The following VPS13C variants were observed in gnomAD, a reference collection of about 807,000 sequenced individuals.
VPS13C encodes vacuolar protein sorting 13 homolog C, also known as intermembrane lipid transfer protein VPS13C.
VPS13C carries 358 observed loss-of-function variants against 456.8 expected under a neutral mutation model. The observed-to-expected ratio is 0.78, with a 90% CI of 0.72 to 0.86. The LOEUF is 0.86. Ranked by LOEUF, VPS13C falls within the 40% of genes least tolerant of loss-of-function variation. The pLI, the probability that VPS13C is intolerant of heterozygous loss-of-function variation, is 0.00. For missense variants in VPS13C, 4,818 were observed against 4,385.4 expected, an observed-to-expected ratio of 1.10 and a Z score of -2.79; for synonymous variants, 1,578 against 1,486.7, an observed-to-expected ratio of 1.06 and a Z score of -1.41.
chr15:62,006,182 C>G (rs2046837352), intron 15 of VPS13C, among the ~76,000 whole-genome samples: 1 of 151,534 alleles, frequency 6.6e-6, no homozygotes, highest in South Asian at 2.1e-4. Flanking sequence ...TATACATGTG[C>G]CATGTTGGTG....
chr15:62,006,325 A>C (rs1188804136), intron 15 of VPS13C, among the ~76,000 whole-genome samples: 1 of 151,928 alleles, frequency 6.6e-6, no homozygotes, highest in Non-Finnish European at 1.5e-5. Context: ...TCATTGTTCA[A>C]TTCCCACCTA....
At chr15:62,028,283 T>G in intron 6 of VPS13C, 75 bp downstream of exon 6, 1 of 1,498,712 alleles carries the variant, frequency 6.7e-7, no homozygotes, top group African/African-American at 1.4e-5. Flanking sequence ...TGCCATCAAA[T>G]GGACTCCACC....
intron 84 of VPS13C, 117 bp from the exon 85 acceptor site, chr15:61,854,675 C>A: frequency 8.7e-7 from 1 of 1,149,038 alleles, no homozygotes; most frequent in South Asian, 1.3e-5. Flanking sequence ...AGCTAAGGAC[C>A]AAGGATACAG....
intron 18 of VPS13C, 98 bp downstream of exon 18, chr15:61,990,902 T>C: frequency 1.3e-6 from 1 of 777,044 alleles, no homozygotes. Context: ...GTGGAATTAA[T>C]AACATTTATA....
chr15:61,873,039 T>C (rs565503663), intron 78 of VPS13C, among the ~76,000 whole-genome samples: 34 of 152,136 alleles, frequency 2.2e-4, no homozygotes, highest in African/African-American at 7.9e-4. Context: ...ATCATTACAG[T>C]TTTATGAAAT....
chr15:61,935,438 C>G (rs2044196665), intron 48 of VPS13C: 1 of 152,190 alleles, frequency 6.6e-6, no homozygotes, highest in Admixed American at 6.5e-5. Context: ...AATTTATATT[C>G]TAATTTTCAT....
chr15:61,917,726 A>C (rs904769324), intron 59 of VPS13C, 91 bp from the exon 60 acceptor site: 1 of 1,358,242 alleles, frequency 7.4e-7, no homozygotes, highest in African/African-American at 1.5e-5. Context: ...TCTACAAGAT[A>C]GGTGCTATTA....
chr15:61,917,208 A>G (rs1419485385), intron 60 of VPS13C, 133 bp downstream of exon 60: 13 of 951,936 alleles, frequency 1.4e-5, no homozygotes, highest in South Asian at 1.8e-5. Flanking sequence ...TTTTGCTATC[A>G]TTAACATTAT....
intron 66 of VPS13C, among the ~76,000 whole-genome samples, chr15:61,893,732 G>C (rs933205652): frequency 1.3e-4 from 19 of 151,898 alleles, no homozygotes; most frequent in Non-Finnish European, 2.1e-4. Flanking sequence ...AGAATGCCAA[G>C]ATGTATGGGG....
rs149829637 is a variant in VPS13C at position 61,925,408 on chromosome 15, G to A, written c.6609+48C>T. The A allele has an allele frequency of 4.4e-4, 523 of 1,184,708 alleles. No homozygotes were observed. The African/African-American group carries it at 6.8e-3, about 15-fold the overall frequency. The allele number at this position is 1,184,708 out of a possible 1,614,324, so 73.4% of individuals were successfully genotyped here. ...GTCTCAACTGCAAATATGCAATGTC[G>A]TGAAGAAAAATAAGAATTTTCACTC... is the stretch of plus-strand genomic sequence containing the variant. On this transcript the variant is annotated intron_variant, in intron 53 of 84. Coordinates refer to ENST00000644861, the MANE Select transcript of VPS13C (RefSeq NM_020821.3).
At chr15:62,000,453 TA>T in intron 16 of VPS13C, 110 bp downstream of exon 16, 1 of 988,602 alleles carries the variant, frequency 1.0e-6, no homozygotes. Flanking sequence ...CTCCTGAGAC[TA>T]AATTAAGCAA....
At chr15:61,859,382 A>G (rs976803700) in intron 82 of VPS13C, among the ~76,000 whole-genome samples, 5 of 152,134 alleles carry the variant, frequency 3.3e-5, no homozygotes, top group Non-Finnish European at 5.9e-5. Flanking sequence ...AAAATAGCAG[A>G]CTATACCTTA....
intron 33 of VPS13C, 88 bp downstream of exon 33, chr15:61,962,661 T>C: frequency 2.3e-6 from 3 of 1,292,170 alleles, no homozygotes; most frequent in Admixed American, 5.2e-5. Context: ...ATATATTTCA[T>C]TAATGTTTTT....
Position 61,856,429 on chromosome 15 carries a change from A to G in VPS13C, c.10953-20T>C, listed in dbSNP as rs1462684883. On this transcript the variant is annotated intron_variant, in intron 82 of 84. Coordinates refer to ENST00000644861, the MANE Select transcript of VPS13C (RefSeq NM_020821.3). Reference sequence around the variant, plus strand: ...ACTCGCCTATTTTGCAAAAGAAAACAAAAACTTACAGTAAATGATGAAGAC... The same window carrying G: ...ACTCGCCTATTTTGCAAAAGAAAACGAAAACTTACAGTAAATGATGAAGAC... The G allele has an allele frequency of 6.2e-7, 1 of 1,610,064 alleles. No individual in the cohort carries two copies. Among genetic ancestry groups the G allele is most frequent in the Admixed American group, 1.7e-5 (1 of 59,378 alleles).
At chr15:61,938,366 T>C (rs1382393377) in intron 47 of VPS13C, among the ~76,000 whole-genome samples, 1 of 152,102 alleles carries the variant, frequency 6.6e-6, no homozygotes, top group Non-Finnish European at 1.5e-5. Flanking sequence ...CCTGTAGGTA[T>C]CACCTGCCTG....
Position 61,934,255 on chromosome 15 carries a change from A to G in VPS13C, c.5832T>C (p.Ser1944=). Residue 1944 remains serine (S), a synonymous_variant, in exon 49 of 85, where the codon TCT becomes TCC. Transcript: ENST00000644861. The part of the protein sequence containing the change: ...VSLQFDFHFE[S]LSIILYNNDI... ...CATTGTTATAAAGGATAATGGAAAG[A>G]GATTCAAAGTGAAAGTCAAATTGGA... is the stretch of plus-strand genomic sequence containing the variant. The G allele has an allele frequency of 6.3e-7, 1 of 1,597,646 alleles. No individual in the cohort carries two copies. Among genetic ancestry groups the G allele is most frequent in the Non-Finnish European group, 8.5e-7 (1 of 1,170,886 alleles).
chr15:61,917,304 G>A, intron 60 of VPS13C, 37 bp downstream of exon 60: 1 of 1,593,676 alleles, frequency 6.3e-7, no homozygotes, highest in Non-Finnish European at 8.6e-7. Context: ...TTTACTCTGT[G>A]CAACAACAAA....
At chr15:61,958,528 A>T in intron 37 of VPS13C, 80 bp downstream of exon 37, 1 of 786,084 alleles carries the variant, frequency 1.3e-6, no homozygotes. Context: ...ATATTTGTTT[A>T]CTTTTTATTT....
In VPS13C at chr15:61,867,329, T is replaced by C; in HGVS notation, c.10863+1330A>G. On this transcript the variant is annotated intron_variant, in intron 81 of 84. Transcript: ENST00000644861. The surrounding 1 kb of genome is among the most constrained non-coding windows in gnomAD (Gnocchi z 5.0). ...TTTATTTAGCAACAGTACCAAGGGG[T>C]TAAATAGGAAAAAGAGGGAAGAGGA... The C allele has an allele frequency of 2.0e-6, 2 of 985,134 alleles. No individual in the cohort carries two copies. The highest frequency in any genetic ancestry group is 2.4e-6 in the Non-Finnish European group (2 of 829,720). 61.0% of individuals were successfully genotyped at this position (985,134 alleles called of 1,614,324 possible). A position where few individuals can be genotyped will look rare whatever the true frequency, so the allele number is the denominator to read the frequency against.
Sources: allele counts gnomAD v4.1 joint callset (sites outside exome capture counted in the v4.1 genomes callset), GRCh38; gene constraint gnomAD v4.1.1; non-coding constraint Gnocchi (gnomAD v3.1); transcripts MANE v1.5; gene names NCBI Gene and HGNC (gene_info 2026-07-23, HGNC 2026-07-21).